SEMA3D: variants seen among roughly 807,000 people sequenced by gnomAD.
SEMA3D encodes semaphorin 3D, also known as semaphorin-3D.
A neutral mutation model predicts 100.1 loss-of-function variants in SEMA3D; 84 were observed. The observed-to-expected ratio is 0.84, with a 90% CI of 0.70 to 1.01. The LOEUF is 1.01. SEMA3D is among the 50% of genes least tolerant of loss of function. SEMA3D has a pLI of 0.00. For missense variants in SEMA3D, 875 were observed against 934.1 expected (o/e 0.94, Z 0.82); for synonymous variants, 312 against 320.7 (o/e 0.97, Z 0.29).
chr7:85,123,119 C>T (rs1251223617), intron 2 of SEMA3D, among the ~76,000 whole-genome samples: 2 of 152,054 alleles, frequency 1.3e-5, no homozygotes, highest in Non-Finnish European at 2.9e-5. Flanking sequence ...CAGGGGTACA[C>T]GGCAAGTAAG....
intron 6 of SEMA3D, among the ~76,000 whole-genome samples, chr7:85,072,527 A>G (rs1791802944): frequency 6.6e-6 from 1 of 152,224 alleles, no homozygotes; most frequent in Admixed American, 6.5e-5. Context: ...ATATAAAGAC[A>G]TACATGGAGC....
chr7:85,036,057 T>G (rs1790683547), intron 12 of SEMA3D, among the ~76,000 whole-genome samples: 1 of 152,052 alleles, frequency 6.6e-6, no homozygotes, highest in African/African-American at 2.4e-5. Context: ...TAAGTCAATA[T>G]TTTCCTCAGA....
the SEMA3D span, among the ~76,000 whole-genome samples, chr7:85,241,875 C>A: frequency 3.3e-5 from 5 of 151,854 alleles, no homozygotes; most frequent in African/African-American, 7.3e-5. Flanking sequence ...TATCATCTTT[C>A]CTCATTTAAA....
chr7:85,090,343 C>A (rs1016175666), intron 4 of SEMA3D, among the ~76,000 whole-genome samples: 1 of 152,064 alleles, frequency 6.6e-6, no homozygotes, highest in Non-Finnish European at 1.5e-5. Context: ...CATCAGCACC[C>A]GGGCTAGGGA....
chr7:85,148,297 AT>A (rs1436178940), intron 2 of SEMA3D, among the ~76,000 whole-genome samples: 2 of 152,018 alleles, frequency 1.3e-5, no homozygotes, highest in African/African-American at 4.8e-5. Context: ...AACAACTTAT[AT>A]TTTTTACTAT....
rs548557738 is a variant in SEMA3D at position 85,149,280 on chromosome 7, C to T, written c.-41+4328G>A. ...GACAACATGGCGAAACCCTGCCTCC[C>T]CAAATAAATAAGTAAAAATACAAAA... is the stretch of plus-strand genomic sequence containing the variant. On this transcript the variant is annotated intron_variant, in intron 2 of 18. Coordinates refer to ENST00000284136, the MANE Select transcript of SEMA3D (RefSeq NM_001384900.1). Among the ~76,000 whole-genome samples the T allele has an allele frequency of 4.6e-5, 7 of 151,198 alleles. No homozygotes were observed. In the East Asian group the frequency reaches 1.2e-3, roughly 25 times the overall value.
chr7:85,045,415 GA>G (rs1790980216), intron 9 of SEMA3D, among the ~76,000 whole-genome samples: 1 of 151,908 alleles, frequency 6.6e-6, no homozygotes, highest in African/African-American at 2.4e-5. Context: ...TTCCTTTTAA[GA>G]AAATGTATAA....
intron 2 of SEMA3D, among the ~76,000 whole-genome samples, chr7:85,124,117 C>A (rs116163278): frequency 0.014 from 2,126 of 151,944 alleles, 52 homozygotes; most frequent in African/African-American, 0.048. Context: ...AATGCCATTG[C>A]CACAAAACAG....
intron 12 of SEMA3D, among the ~76,000 whole-genome samples, chr7:85,024,108 C>T (rs1351702025): frequency 6.6e-6 from 1 of 151,892 alleles, no homozygotes; most frequent in Non-Finnish European, 1.5e-5. Flanking sequence ...CGGAATCCGT[C>T]AACTCAATAA....
rs188908373 is a variant in SEMA3D at position 85,009,913 on chromosome 7, A to G, written c.1768+2869T>C. On this transcript the variant is annotated intron_variant, in intron 17 of 18. Coordinates refer to ENST00000284136, the MANE Select transcript of SEMA3D (RefSeq NM_001384900.1). ...GAAATTCACTGCCCTCTAGAAATTT[A>G]CATTCTAGTGACATAGACAAAGTAA... Among the ~76,000 whole-genome samples the G allele has an allele frequency of 2.0e-5, 3 of 151,918 alleles. No individual in the cohort carries two copies. In the East Asian group the frequency reaches 5.9e-4, roughly 30 times the overall value.
At chr7:85,037,187 G>A (rs1003125040) in intron 11 of SEMA3D, among the ~76,000 whole-genome samples, 154 bp from the exon 12 acceptor site, 1 of 152,164 alleles carries the variant, frequency 6.6e-6, no homozygotes, top group Non-Finnish European at 1.5e-5. Flanking sequence ...GTCCTCAAGT[G>A]GCTTACAGCC....
At chr7:85,097,747 A>T in intron 4 of SEMA3D, 58 bp downstream of exon 4, 1 of 1,112,506 alleles carries the variant, frequency 9.0e-7, no homozygotes, top group Non-Finnish European at 1.3e-6. Flanking sequence ...ACAAAACGGG[A>T]GAAGAAGAGA....
At position 85,142,166 on chromosome 7, in the gene SEMA3D, C is replaced by T. The variant is rs550353916; in HGVS notation, c.-41+11442G>A. On this transcript the variant is annotated intron_variant, in intron 2 of 18. Coordinates refer to ENST00000284136, the MANE Select transcript of SEMA3D (RefSeq NM_001384900.1). ...ATCAACATTGCTGAAAAGGACAATT[C>T]GCTCAGTGTCTCTTACCAATTTCTA... is the stretch of plus-strand genomic sequence containing the variant. The T allele has an allele frequency of 5.4e-4, 530 of 984,574 alleles. 2 individuals carry two copies. The African/African-American group carries it at 8.1e-3, about 15-fold the overall frequency. The allele number at this position is 984,574 out of a possible 1,614,324, so 61.0% of individuals were successfully genotyped here.
At chr7:85,195,716 A>T in the SEMA3D span, among the ~76,000 whole-genome samples, 59 of 152,170 alleles carry the variant, frequency 3.9e-4, no homozygotes, top group African/African-American at 1.3e-3. Flanking sequence ...CTGGTTTTTC[A>T]CCTATTGTCC....
At chr7:85,108,226 A>G (rs1054200667) in intron 3 of SEMA3D, among the ~76,000 whole-genome samples, 7 of 152,190 alleles carry the variant, frequency 4.6e-5, no homozygotes, top group African/African-American at 1.4e-4. Context: ...TCTGTATTTC[A>G]ACACCACCTC....
intron 1 of SEMA3D, among the ~76,000 whole-genome samples, chr7:85,168,089 A>G (rs545795635): frequency 1.3e-5 from 2 of 152,002 alleles, no homozygotes; most frequent in Admixed American, 6.6e-5. Context: ...ACAGAATTTT[A>G]TACTTTTCTT....
the SEMA3D span, among the ~76,000 whole-genome samples, chr7:85,244,269 T>G: frequency 2.0e-5 from 3 of 152,130 alleles, no homozygotes; most frequent in Admixed American, 6.5e-5. Flanking sequence ...TCAGAAAAAC[T>G]AATCCCTTTC....
intron 2 of SEMA3D, among the ~76,000 whole-genome samples, chr7:85,126,408 T>TGTGTGTG (rs1789571128): frequency 7.7e-6 from 1 of 130,716 alleles, no homozygotes; most frequent in Admixed American, 7.7e-5. Context: ...GTGTGTCGTG[T>TGTGTGTG]GTGTGTGTGT....
chr7:85,171,598 G>C (rs1791083558), intron 1 of SEMA3D, among the ~76,000 whole-genome samples: 1 of 151,840 alleles, frequency 6.6e-6, no homozygotes, highest in South Asian at 2.1e-4. Flanking sequence ...AAAACCCACT[G>C]TTTGATAGGC....
Sources: allele counts gnomAD v4.1 joint callset (sites outside exome capture counted in the v4.1 genomes callset), GRCh38; gene constraint gnomAD v4.1.1; transcripts MANE v1.5; gene names NCBI Gene and HGNC (gene_info 2026-07-23, HGNC 2026-07-21).